The following TRPM3 variants were observed in gnomAD, a reference collection of about 807,000 sequenced individuals.
TRPM3 encodes transient receptor potential cation channel subfamily M member 3.
In TRPM3, 77 loss-of-function variants were observed where a neutral mutation model predicts 181.2. The ratio of observed to expected loss-of-function variants is 0.42; its 90% confidence interval spans 0.35 to 0.51. The LOEUF is 0.51. TRPM3 is among the 20% of genes least tolerant of loss of function. The pLI, the probability that TRPM3 is intolerant of heterozygous loss-of-function variation, is 0.01. For synonymous variants in TRPM3, 745 were observed against 796.4 expected (o/e 0.94, Z 1.09); for missense variants, 1,759 against 2,196.7 (o/e 0.80, Z 3.98).
rs536066455 is a variant in TRPM3 at position 70,601,406 on chromosome 9, A to C, written c.2796+1936T>G. ...CCCTGGGAAGGCACCAAAGCATGCAAACTTTTCCACATTTCCAGGATCTTG... is the reference window on the plus strand; with the variant it reads ...CCCTGGGAAGGCACCAAAGCATGCACACTTTTCCACATTTCCAGGATCTTG... On this transcript the variant is annotated intron_variant, in intron 20 of 25. Transcript: ENST00000677713. Among the ~76,000 whole-genome samples, 10 of 152,230 alleles carry C rather than the reference A, an allele frequency of 6.6e-5. No individual in the cohort carries two copies. In the South Asian group the frequency reaches 1.5e-3, roughly 22 times the overall value.
chr9:70,793,362 AG>A (rs2086021848), intron 6 of TRPM3, among the ~76,000 whole-genome samples: 1 of 151,262 alleles, frequency 6.6e-6, no homozygotes, highest in Non-Finnish European at 1.5e-5. Context: ...ACCCTGAGGT[AG>A]GAGAATCACT....
chr9:70,925,771 G>A (rs968859180), intron 1 of TRPM3, among the ~76,000 whole-genome samples: 6 of 151,900 alleles, frequency 3.9e-5, no homozygotes, highest in South Asian at 2.1e-4. Flanking sequence ...CAGCCAGCGC[G>A]GGAGAGATAA....
At chr9:71,233,906 C>A (rs144325227) in intron 1 of TRPM3, among the ~76,000 whole-genome samples, 26 of 152,334 alleles carry the variant, frequency 1.7e-4, no homozygotes, top group African/African-American at 5.5e-4. Context: ...AGGACTGGAA[C>A]TATTTTGCTG....
Position 70,625,592 on chromosome 9 carries a change from C to A in TRPM3, c.1633-75G>T. The A allele has an allele frequency of 1.3e-6, 2 of 1,485,830 alleles. No homozygotes were observed. Among genetic ancestry groups the A allele is most frequent in the South Asian group, 2.4e-5 (2 of 83,498 alleles). 92.0% of individuals were successfully genotyped at this position (1,485,830 alleles called of 1,614,324 possible). A position where few individuals can be genotyped will look rare whatever the true frequency, so the allele number is the denominator to read the frequency against. On this transcript the variant is annotated intron_variant, in intron 12 of 25. Transcript: ENST00000677713. This position sits in a 1 kb window ranked among gnomAD's most constrained non-coding sequence, Gnocchi z 4.8. Reference sequence around the variant, plus strand: ...ATAATAGAAAATCAAAATATTTATTCAAGTCTTCAGCTGGGGAGAAAAAAA... The same window carrying A: ...ATAATAGAAAATCAAAATATTTATTAAAGTCTTCAGCTGGGGAGAAAAAAA...
At position 70,538,644 on chromosome 9, in the gene TRPM3, T is replaced by A. The variant is rs1028141424; in HGVS notation, c.3708-1239A>T. ...GGGCTTGCTGTGTTGCCCAGGCTTGTCTTGAACTCCTGGGCTCAAGTGCTT... is the reference window on the plus strand; with the variant it reads ...GGGCTTGCTGTGTTGCCCAGGCTTGACTTGAACTCCTGGGCTCAAGTGCTT... On this transcript the variant is annotated intron_variant, in intron 25 of 25. Transcript: ENST00000677713. Among the ~76,000 whole-genome samples, 7 of 152,090 alleles carry A rather than the reference T, an allele frequency of 4.6e-5. 1 individual carries two copies. Among genetic ancestry groups the A allele is most frequent in the South Asian group, 4.1e-4 (2 of 4,822 alleles).
rs114585974 is a variant in TRPM3 at position 70,892,561 on chromosome 9, T to A, written c.178-28050A>T. Among the ~76,000 whole-genome samples, 1,011 of 149,174 alleles carry A rather than the reference T, an allele frequency of 6.8e-3. 10 individuals carry two copies. The highest frequency in any genetic ancestry group is 0.024 in the African/African-American group (958 of 40,390). The stretch of plus-strand genomic sequence containing the variant: ...TGGAGAGAAAAAAGTCTCAAGTCAA[T>A]ACATTGCTACTTCTTTAGGTTCAAG... On this transcript the variant is annotated intron_variant, in intron 1 of 25. Transcript: ENST00000677713.
At chr9:71,030,705 A>G (rs1216437453) in intron 1 of TRPM3, among the ~76,000 whole-genome samples, 1 of 152,216 alleles carries the variant, frequency 6.6e-6, no homozygotes, top group Non-Finnish European at 1.5e-5. Context: ...TGCAGCAATT[A>G]TGCTAGCTTT....
chr9:70,829,159 C>T (rs1215551518), intron 5 of TRPM3, among the ~76,000 whole-genome samples: 1 of 152,068 alleles, frequency 6.6e-6, no homozygotes, highest in Non-Finnish European at 1.5e-5. Context: ...AGAGTGTGTA[C>T]ATTAATTATA....
chr9:71,080,593 C>A (rs1263242371), intron 1 of TRPM3, among the ~76,000 whole-genome samples: 2 of 152,134 alleles, frequency 1.3e-5, no homozygotes, highest in East Asian at 1.9e-4. Flanking sequence ...CAGTGGCAGT[C>A]TTATCTCCCA....
intron 1 of TRPM3, among the ~76,000 whole-genome samples, chr9:71,409,225 A>G (rs1331795755): frequency 6.6e-6 from 1 of 152,218 alleles, no homozygotes; most frequent in Admixed American, 6.5e-5. Context: ...ACCAGCTTAC[A>G]TCATCATGAC....
At chr9:71,139,168 T>C (rs1437414915) in intron 1 of TRPM3, among the ~76,000 whole-genome samples, 1 of 152,202 alleles carries the variant, frequency 6.6e-6, no homozygotes, top group African/African-American at 2.4e-5. Flanking sequence ...CCACAATTCA[T>C]GTTGTAACTG....
chr9:70,629,217 G>GGGGC (rs1422449676), intron 12 of TRPM3, among the ~76,000 whole-genome samples: 2 of 59,238 alleles, frequency 3.4e-5, no homozygotes, highest in Non-Finnish European at 6.9e-5. Flanking sequence ...ACCAGTGCCG[G>GGGGC]GGGGGGGGGG....
intron 1 of TRPM3, among the ~76,000 whole-genome samples, chr9:70,973,351 A>G: frequency 6.6e-6 from 1 of 152,144 alleles, no homozygotes; most frequent in Non-Finnish European, 1.5e-5. Flanking sequence ...AATTTCTAGT[A>G]AAAATGACTC....
At chr9:71,155,177 C>T (rs184872657) in intron 1 of TRPM3, among the ~76,000 whole-genome samples, 3 of 152,210 alleles carry the variant, frequency 2.0e-5, no homozygotes, top group Non-Finnish European at 4.4e-5. Flanking sequence ...TACATGTAGA[C>T]TTTGTGTCTA....
At chr9:71,374,570 C>A (rs894855614) in intron 1 of TRPM3, among the ~76,000 whole-genome samples, 2 of 152,134 alleles carry the variant, frequency 1.3e-5, no homozygotes, top group African/African-American at 4.8e-5. Context: ...CACTCCTATT[C>A]AACATACTAT....
chr9:71,047,793 C>G (rs1324422709), intron 1 of TRPM3, among the ~76,000 whole-genome samples: 1 of 148,276 alleles, frequency 6.7e-6, no homozygotes, highest in Non-Finnish European at 1.5e-5. Context: ...TTTCAAGATA[C>G]AAGACTACTG....
intron 6 of TRPM3, among the ~76,000 whole-genome samples, chr9:70,790,759 T>C (rs1365200922): frequency 6.6e-6 from 1 of 152,228 alleles, no homozygotes; most frequent in Non-Finnish European, 1.5e-5. Context: ...TAATCGGTTG[T>C]GCCTGAAAAC....
At chr9:70,545,000 T>C (rs942149121) in intron 25 of TRPM3, among the ~76,000 whole-genome samples, 2 of 152,186 alleles carry the variant, frequency 1.3e-5, no homozygotes, top group African/African-American at 4.8e-5. Flanking sequence ...GCATAATACC[T>C]CATATATGCC....
intron 1 of TRPM3, among the ~76,000 whole-genome samples, chr9:71,098,814 G>A (rs966159724): frequency 2.8e-4 from 43 of 152,042 alleles, no homozygotes; most frequent in Non-Finnish European, 5.6e-4. Context: ...GGAGCCCCCT[G>A]GAAATTTCAG....
Sources: allele counts gnomAD v4.1 joint callset (sites outside exome capture counted in the v4.1 genomes callset), GRCh38; gene constraint gnomAD v4.1.1; non-coding constraint Gnocchi (gnomAD v3.1); transcripts MANE v1.5; gene names NCBI Gene and HGNC (gene_info 2026-07-23, HGNC 2026-07-21).